The following KCND2 variants were observed in gnomAD, a reference collection of about 807,000 sequenced individuals.
The protein encoded by KCND2 is potassium voltage-gated channel subfamily D member 2.
In KCND2, 16 loss-of-function variants were observed where a neutral mutation model predicts 54.4. That is an observed-to-expected ratio of 0.29 (90% CI 0.20 to 0.45). KCND2 has a LOEUF of 0.45. KCND2 is among the 20% of genes least tolerant of loss of function. KCND2 has a pLI of 1.00. For synonymous variants in KCND2, 317 were observed against 310.7 expected, an observed-to-expected ratio of 1.02 and a Z score of -0.21; for missense variants, 486 against 824.2, an observed-to-expected ratio of 0.59 and a Z score of 5.02.
At chr7:120,715,526 C>G (rs1021201768) in intron 1 of KCND2, among the ~76,000 whole-genome samples, 8 of 152,006 alleles carry the variant, frequency 5.3e-5, no homozygotes, top group African/African-American at 1.4e-4. Context: ...GGCACAAACA[C>G]AGCTAAAACA....
intron 1 of KCND2, among the ~76,000 whole-genome samples, chr7:120,719,945 T>G (rs1792646961): frequency 1.3e-5 from 2 of 152,146 alleles, no homozygotes; most frequent in African/African-American, 4.8e-5. Context: ...GGGACCAGCT[T>G]TCATTACACT....
intron 1 of KCND2, among the ~76,000 whole-genome samples, chr7:120,506,198 C>T (rs1803015169): frequency 6.6e-6 from 1 of 151,602 alleles, no homozygotes; most frequent in Non-Finnish European, 1.5e-5. Context: ...TAGTATGGAA[C>T]TCTAACTTCA....
chr7:120,505,882 G>C (rs1028433385), intron 1 of KCND2, among the ~76,000 whole-genome samples: 1 of 151,562 alleles, frequency 6.6e-6, no homozygotes, highest in Admixed American at 6.6e-5. Context: ...ACAATCCCCT[G>C]TCTAACCTTT....
intron 1 of KCND2, among the ~76,000 whole-genome samples, chr7:120,532,881 T>A (rs1422202117): frequency 6.6e-6 from 1 of 152,032 alleles, no homozygotes; most frequent in Non-Finnish European, 1.5e-5. Context: ...GATAAGCCGC[T>A]ATGTAGTCAT....
intron 1 of KCND2, among the ~76,000 whole-genome samples, chr7:120,723,752 A>T (rs1406884619): frequency 6.6e-6 from 1 of 152,146 alleles, no homozygotes; most frequent in Non-Finnish European, 1.5e-5. Context: ...AATTAAAATC[A>T]ACAAATTCTG....
At chr7:120,501,861 A>T (rs1584803849) in intron 1 of KCND2, among the ~76,000 whole-genome samples, 1 of 152,010 alleles carries the variant, frequency 6.6e-6, no homozygotes, top group East Asian at 1.9e-4. Flanking sequence ...TTAAATATTC[A>T]TTTGGGTGAC....
At chr7:120,574,953 A>T (rs1792409985) in intron 1 of KCND2, among the ~76,000 whole-genome samples, 1 of 152,036 alleles carries the variant, frequency 6.6e-6, no homozygotes, top group Admixed American at 6.6e-5. Context: ...AATAAATATG[A>T]TCCTTAATGT....
chr7:120,640,916 A>C (rs1251944880), intron 1 of KCND2, among the ~76,000 whole-genome samples: 1 of 152,124 alleles, frequency 6.6e-6, no homozygotes, highest in African/African-American at 2.4e-5. Flanking sequence ...CCTTTGGTGT[A>C]GGTTTTGGTG....
chr7:120,642,640 G>A (rs1433843603), intron 1 of KCND2, among the ~76,000 whole-genome samples: 1 of 151,044 alleles, frequency 6.6e-6, no homozygotes, highest in Non-Finnish European at 1.5e-5. Flanking sequence ...AGTTTAAAGG[G>A]TTTTTTTTCC....
chr7:120,622,548 A>G (rs191860396), intron 1 of KCND2, among the ~76,000 whole-genome samples: 25 of 152,192 alleles, frequency 1.6e-4, no homozygotes, highest in African/African-American at 5.8e-4. Flanking sequence ...AAATAAATAT[A>G]TAAAATATAC....
At chr7:120,678,300 T>C (rs1027819204) in intron 1 of KCND2, among the ~76,000 whole-genome samples, 3 of 148,504 alleles carry the variant, frequency 2.0e-5, no homozygotes, top group Non-Finnish European at 3.0e-5. Flanking sequence ...TGTAAAAGTA[T>C]GTTTATTAAT....
chr7:120,330,105 T>C (rs992444941), intron 1 of KCND2, among the ~76,000 whole-genome samples: 3 of 152,126 alleles, frequency 2.0e-5, no homozygotes, highest in African/African-American at 7.2e-5. Flanking sequence ...TGACACTACC[T>C]GGGTTGAAAA....
intron 1 of KCND2, among the ~76,000 whole-genome samples, chr7:120,629,603 T>A (rs1037360282): frequency 5.9e-5 from 9 of 152,146 alleles, no homozygotes; most frequent in Admixed American, 5.9e-4. Context: ...ATCAGACATA[T>A]TAGAAATGAA....
intron 1 of KCND2, among the ~76,000 whole-genome samples, chr7:120,322,087 A>T (rs1056449670): frequency 4.6e-5 from 7 of 152,072 alleles, no homozygotes; most frequent in African/African-American, 1.7e-4. Context: ...AAACAAAGTA[A>T]AAAATCACAA....
At chr7:120,408,377 C>T (rs191430127) in intron 1 of KCND2, among the ~76,000 whole-genome samples, 6 of 151,750 alleles carry the variant, frequency 4.0e-5, no homozygotes, top group East Asian at 1.9e-4. Context: ...ACATATATCT[C>T]GAGCCATGGA....
At chr7:120,566,883 T>C (rs548018463) in intron 1 of KCND2, among the ~76,000 whole-genome samples, 3 of 152,136 alleles carry the variant, frequency 2.0e-5, no homozygotes, top group Admixed American at 6.6e-5. Context: ...GCTTTAAATA[T>C]ATTTACGTTT....
chr7:120,709,766 A>G (rs1053902223), intron 1 of KCND2, among the ~76,000 whole-genome samples: 35 of 152,154 alleles, frequency 2.3e-4, no homozygotes, highest in African/African-American at 7.7e-4. Flanking sequence ...TACTCCAGGC[A>G]GATGTGACAC....
chr7:120,536,848 T>C (rs73437873), intron 1 of KCND2, among the ~76,000 whole-genome samples: 4,055 of 152,268 alleles, frequency 0.027, 159 homozygotes, highest in African/African-American at 0.091. Flanking sequence ...ATAAACTTCT[T>C]TCTTTTTAAT....
intron 1 of KCND2, among the ~76,000 whole-genome samples, chr7:120,585,373 G>A (rs191935132): frequency 1.3e-5 from 2 of 152,212 alleles, no homozygotes; most frequent in African/African-American, 2.4e-5. Flanking sequence ...GGTTGACAAA[G>A]GAGTTTGATA....
Sources: gnomAD v4.1 joint callset for allele counts (sites outside exome capture counted in the v4.1 genomes callset) on GRCh38, gnomAD v4.1.1 for gene constraint, MANE v1.5 for transcripts, NCBI Gene and HGNC (gene_info 2026-07-23, HGNC 2026-07-21) for gene names.